The following NLGN1 variants were observed in gnomAD, a reference collection of about 807,000 sequenced individuals.
The protein encoded by NLGN1 is neuroligin-1.
In NLGN1, 12 loss-of-function variants were observed where a neutral mutation model predicts 65.5. The ratio of observed to expected loss-of-function variants is 0.18; its 90% CI spans 0.12 to 0.30. The LOEUF is 0.30. NLGN1 is among the 10% of genes least tolerant of loss of function. The pLI, the probability that NLGN1 is intolerant of heterozygous loss-of-function variation, is 1.00. For missense variants in NLGN1, 750 were observed against 1,007.1 expected (o/e 0.74, Z 3.46); for synonymous variants, 350 against 359.5 (o/e 0.97, Z 0.30).
intron 2 of NLGN1, among the ~76,000 whole-genome samples, chr3:173,525,602 G>A (rs781226742): frequency 6.6e-6 from 1 of 151,424 alleles, no homozygotes; most frequent in South Asian, 2.1e-4. Flanking sequence ...TCATTTAATT[G>A]TGCTCTGATC....
At chr3:174,105,761 A>G (rs151043093) in intron 4 of NLGN1, among the ~76,000 whole-genome samples, 6 of 148,956 alleles carry the variant, frequency 4.0e-5, no homozygotes, top group Non-Finnish European at 7.5e-5. Flanking sequence ...ATTTTACCTA[A>G]TGAAGTCCTA....
intron 3 of NLGN1, among the ~76,000 whole-genome samples, chr3:173,704,961 C>T (rs1384878323): frequency 6.6e-6 from 1 of 152,174 alleles, no homozygotes; most frequent in African/African-American, 2.4e-5. Context: ...TAATCAATAA[C>T]ACAGTACTTT....
intron 4 of NLGN1, among the ~76,000 whole-genome samples, chr3:174,077,354 T>C (rs1032037321): frequency 5.9e-5 from 9 of 152,112 alleles, no homozygotes; most frequent in Admixed American, 4.6e-4. Flanking sequence ...TACTAGAACA[T>C]TGAAATCTGT....
chr3:173,494,848 T>C (rs1225424687), intron 2 of NLGN1, among the ~76,000 whole-genome samples: 2 of 151,878 alleles, frequency 1.3e-5, no homozygotes, highest in Non-Finnish European at 2.9e-5. Flanking sequence ...ATTGGGGATT[T>C]ATTTCTGATG....
intron 4 of NLGN1, among the ~76,000 whole-genome samples, chr3:173,992,627 A>C (rs955575497): frequency 5.9e-5 from 9 of 152,278 alleles, no homozygotes; most frequent in East Asian, 3.9e-4. Flanking sequence ...ATTTTGTCCA[A>C]AAATAGATGT....
Position 173,970,180 on chromosome 3 carries a change from A to G in NLGN1, c.646+162348A>G, listed in dbSNP as rs74900659. Among the ~76,000 whole-genome samples the G allele has an allele frequency of 2.5e-3, 377 of 152,286 alleles. 2 individuals carry two copies. Among genetic ancestry groups the G allele is most frequent in the Non-Finnish European group, 4.2e-3 (283 of 68,002 alleles). ...AAACAAGTCCTTTAGTCTATTGTGC[A>G]CTTACGATGTGATAACCACAGTCCT... On this transcript the variant is annotated intron_variant, in intron 4 of 6. Coordinates refer to ENST00000457714, the Ensembl canonical transcript of NLGN1.
intron 4 of NLGN1, among the ~76,000 whole-genome samples, chr3:173,935,922 TC>T (rs1283357305): frequency 4.6e-5 from 7 of 151,908 alleles, no homozygotes; most frequent in Non-Finnish European, 1.0e-4. Context: ...GACCTACTGC[TC>T]CCCATGGACA....
chr3:174,192,641 T>C (rs1732611693), intron 4 of NLGN1, among the ~76,000 whole-genome samples: 2 of 152,180 alleles, frequency 1.3e-5, no homozygotes, highest in Non-Finnish European at 2.9e-5. Flanking sequence ...TTAGTTTGTG[T>C]GCGTGTTTCT....
At chr3:174,291,873 C>T in the NLGN1 span, among the ~76,000 whole-genome samples, 1 of 151,104 alleles carries the variant, frequency 6.6e-6, no homozygotes, top group Admixed American at 6.6e-5. Flanking sequence ...AAACTTGTTA[C>T]ATGTTCTGAT....
At chr3:173,436,331 C>T (rs997202037) in intron 2 of NLGN1, among the ~76,000 whole-genome samples, 2 of 152,074 alleles carry the variant, frequency 1.3e-5, no homozygotes, top group African/African-American at 2.4e-5. Flanking sequence ...AAGACTGCTC[C>T]ACCTCACACA....
intron 4 of NLGN1, among the ~76,000 whole-genome samples, chr3:174,148,546 A>G (rs1042773420): frequency 2.0e-5 from 3 of 152,140 alleles, no homozygotes; most frequent in African/African-American, 7.2e-5. Context: ...ACATATAATT[A>G]ATACTCAGCA....
chr3:174,081,560 T>C (rs1742222726), intron 4 of NLGN1, among the ~76,000 whole-genome samples: 1 of 150,408 alleles, frequency 6.6e-6, no homozygotes, highest in Admixed American at 6.6e-5. Flanking sequence ...CCCTTACATG[T>C]CCCACTTCCT....
At chr3:173,501,567 ATTG>A (rs1482938039) in intron 2 of NLGN1, among the ~76,000 whole-genome samples, 10 of 151,862 alleles carry the variant, frequency 6.6e-5, no homozygotes, top group African/African-American at 2.2e-4. Flanking sequence ...TGATGTTACT[ATTG>A]TTGTTAGCGA....
chr3:173,653,297 T>C (rs1759504029), intron 3 of NLGN1, among the ~76,000 whole-genome samples: 1 of 152,206 alleles, frequency 6.6e-6, no homozygotes, highest in South Asian at 2.1e-4. Flanking sequence ...ACTGGTGTAA[T>C]TGTAAAATCC....
At chr3:173,427,078 C>A (rs1716247287) in intron 1 of NLGN1, among the ~76,000 whole-genome samples, 1 of 151,810 alleles carries the variant, frequency 6.6e-6, no homozygotes, top group Admixed American at 6.6e-5. Flanking sequence ...AGAATTTATT[C>A]ATGTCTTCTA....
At chr3:174,212,035 CG>C (rs1212270865) in intron 4 of NLGN1, among the ~76,000 whole-genome samples, 3 of 152,136 alleles carry the variant, frequency 2.0e-5, no homozygotes, top group African/African-American at 7.2e-5. Context: ...GGTGTTCGCC[CG>C]GGAGGCTCGG....
chr3:174,222,225 T>C (rs529451301), intron 4 of NLGN1, among the ~76,000 whole-genome samples: 22 of 152,292 alleles, frequency 1.4e-4, no homozygotes, highest in African/African-American at 5.3e-4. Context: ...TCTGTGATTT[T>C]ATGGTATGTT....
intron 2 of NLGN1, among the ~76,000 whole-genome samples, chr3:173,545,368 C>A (rs936240760): frequency 2.0e-5 from 3 of 152,062 alleles, no homozygotes; most frequent in Non-Finnish European, 2.9e-5. Flanking sequence ...ACCACCATGC[C>A]TGGCCCTCGG....
At chr3:173,404,609 T>A (rs915052808) in intron 1 of NLGN1, among the ~76,000 whole-genome samples, 1 of 152,088 alleles carries the variant, frequency 6.6e-6, no homozygotes, top group East Asian at 1.9e-4. Context: ...TTTAAATAGA[T>A]CTATATTGTG....
Sources: allele counts gnomAD v4.1 joint callset (sites outside exome capture counted in the v4.1 genomes callset), GRCh38; gene constraint gnomAD v4.1.1; transcripts MANE v1.5; gene names NCBI Gene and HGNC (gene_info 2026-07-23, HGNC 2026-07-21).